The following TOX2 variants were observed in gnomAD, a reference collection of about 807,000 sequenced individuals.
TOX2 encodes granulosa cell HMG box 1.
TOX2 carries 15 observed loss-of-function variants against 47.4 expected under a neutral mutation model. The observed-to-expected ratio is 0.32, with a 90% CI of 0.21 to 0.49. The LOEUF is 0.49. Among genes scored for constraint, TOX2 ranks in the 20% least tolerant of loss-of-function variants. The pLI is 0.99. For missense variants in TOX2, 622 were observed against 673.1 expected, an observed-to-expected ratio of 0.92 and a Z score of 0.84; for synonymous variants, 290 against 296.6, an observed-to-expected ratio of 0.98 and a Z score of 0.23.
At chr20:43,939,099 G>A (rs1008264446) in intron 1 of TOX2, among the ~76,000 whole-genome samples, 2 of 152,144 alleles carry the variant, frequency 1.3e-5, no homozygotes, top group African/African-American at 4.8e-5. Flanking sequence ...GTCTCTTGGA[G>A]CCCCAGTGTC....
intron 2 of TOX2, 82 bp downstream of exon 2, chr20:43,973,514 G>C: frequency 7.9e-7 from 1 of 1,269,726 alleles, no homozygotes; most frequent in Non-Finnish European, 1.1e-6. Context: ...GAGGTAGGGG[G>C]TGCAGAATGG....
At chr20:44,026,762 C>T (rs900784659) in intron 3 of TOX2, among the ~76,000 whole-genome samples, 13 of 152,110 alleles carry the variant, frequency 8.5e-5, no homozygotes, top group Non-Finnish European at 1.8e-4. Flanking sequence ...AACTCCAAGT[C>T]CTTCTGTGCC....
At chr20:44,026,523 C>T (rs1435153666) in intron 3 of TOX2, among the ~76,000 whole-genome samples, 1 of 151,662 alleles carries the variant, frequency 6.6e-6, no homozygotes, top group Non-Finnish European at 1.5e-5. Context: ...CTAAAAATTA[C>T]TCCTTGATAT....
intron 1 of TOX2, among the ~76,000 whole-genome samples, chr20:43,938,884 G>C (rs2069364512): frequency 6.6e-6 from 1 of 152,188 alleles, no homozygotes; most frequent in Non-Finnish European, 1.5e-5. Context: ...AGCTTTGAAG[G>C]CCAGGGGGTT....
At chr20:44,055,484 G>A (rs1045506444) in intron 5 of TOX2, among the ~76,000 whole-genome samples, 7 of 152,210 alleles carry the variant, frequency 4.6e-5, no homozygotes, top group African/African-American at 1.4e-4. Flanking sequence ...AAGGAGACCA[G>A]GATGGCCAGA....
At position 44,006,646 on chromosome 20, in the gene TOX2, G is replaced by A. The variant is rs780810507; in HGVS notation, c.265G>A (p.Glu89Lys). The A allele has an allele frequency of 1.5e-5, 25 of 1,613,908 alleles. No homozygotes were observed. In the East Asian group the frequency reaches 2.2e-4, roughly 14 times the overall value. Residue 89 changes from glutamate (E) to lysine (K), a missense_variant, in exon 3 of 9, where the codon GAA becomes AAA. Coordinates refer to ENST00000341197, the MANE Select transcript of TOX2 (RefSeq NM_001098797.2). ...ATCCCTCCTGCACCTGGGGGACCAC[G>A]AAGCCAGCTACCACTCGCTGTGCCA... ...EPSLLHLGDH[E>K]ASYHSLCHGL...
intron 4 of TOX2, among the ~76,000 whole-genome samples, chr20:44,053,621 CACACACACGTATATACACATAT>C (rs2071566885): frequency 6.6e-6 from 1 of 150,404 alleles, no homozygotes; most frequent in South Asian, 2.1e-4. Context: ...TATACACACA[CACACACACGTATATACACATAT>C]ACACACATGC....
chr20:43,989,400 C>A (rs548545019), intron 2 of TOX2, among the ~76,000 whole-genome samples: 1 of 152,270 alleles, frequency 6.6e-6, no homozygotes, highest in South Asian at 2.1e-4. Context: ...CATGCGGGAG[C>A]CCAGTCCCTT....
chr20:43,966,487 G>A (rs556744970), intron 1 of TOX2, among the ~76,000 whole-genome samples: 11 of 152,274 alleles, frequency 7.2e-5, no homozygotes, highest in African/African-American at 2.2e-4. Flanking sequence ...GCTGGGTGTG[G>A]TGGCTCATGC....
intron 1 of TOX2, among the ~76,000 whole-genome samples, chr20:43,961,437 A>G (rs1186550382): frequency 6.6e-6 from 1 of 152,156 alleles, no homozygotes; most frequent in Non-Finnish European, 1.5e-5. Context: ...AGTGGAGGGG[A>G]TGGGACTTGA....
chr20:43,990,253 C>A (rs2070346089), intron 2 of TOX2, among the ~76,000 whole-genome samples: 1 of 152,200 alleles, frequency 6.6e-6, no homozygotes, highest in African/African-American at 2.4e-5. Context: ...CAGGTCAGAA[C>A]AATGTGACTA....
chr20:43,967,482 A>C (rs532844583), intron 1 of TOX2, among the ~76,000 whole-genome samples: 27 of 152,028 alleles, frequency 1.8e-4, no homozygotes, highest in African/African-American at 6.5e-4. Context: ...CCGGGAACCC[A>C]CACGTCCAGG....
chr20:44,012,395 A>C (rs2070792366), intron 3 of TOX2, among the ~76,000 whole-genome samples: 2 of 152,192 alleles, frequency 1.3e-5, no homozygotes, highest in Admixed American at 6.5e-5. Flanking sequence ...AGCCTCGGGC[A>C]GATGGAGGCT....
chr20:43,946,204 G>T (rs1231903347), intron 1 of TOX2, among the ~76,000 whole-genome samples: 1 of 152,230 alleles, frequency 6.6e-6, no homozygotes, highest in Non-Finnish European at 1.5e-5. Flanking sequence ...GCAGTTGGCA[G>T]CTCCTTCTTG....
intron 1 of TOX2, among the ~76,000 whole-genome samples, chr20:43,959,873 G>C (rs1463357125): frequency 3.3e-5 from 5 of 152,198 alleles, no homozygotes; most frequent in Admixed American, 2.6e-4. Context: ...CCTCTAGGGA[G>C]AGCTGGGAGC....
intron 1 of TOX2, among the ~76,000 whole-genome samples, chr20:43,933,675 G>A (rs1311081577): frequency 1.3e-5 from 2 of 152,210 alleles, no homozygotes; most frequent in African/African-American, 4.8e-5. Context: ...AGGCTGGGGT[G>A]TTGCCTCTGC....
intron 1 of TOX2, among the ~76,000 whole-genome samples, chr20:43,942,095 G>A (rs1162106381): frequency 6.6e-6 from 1 of 152,208 alleles, no homozygotes; most frequent in African/African-American, 2.4e-5. Context: ...TTGTGCAAGT[G>A]TGAGGATTAA....
intron 3 of TOX2, among the ~76,000 whole-genome samples, chr20:44,033,164 C>A (rs926885377): frequency 6.6e-6 from 1 of 152,196 alleles, no homozygotes; most frequent in Non-Finnish European, 1.5e-5. Flanking sequence ...ATTAGCAATA[C>A]GTACTGACGA....
chr20:44,013,418 C>G (rs1422505151), intron 3 of TOX2, among the ~76,000 whole-genome samples: 1 of 152,220 alleles, frequency 6.6e-6, no homozygotes, highest in Non-Finnish European at 1.5e-5. Flanking sequence ...CATAGGAATA[C>G]CCTCCCAAGT....
Sources: allele counts gnomAD v4.1 joint callset (sites outside exome capture counted in the v4.1 genomes callset), GRCh38; gene constraint gnomAD v4.1.1; transcripts MANE v1.5; gene names NCBI Gene and HGNC (gene_info 2026-07-23, HGNC 2026-07-21).